The following INTS9 variants were observed in gnomAD, a reference collection of about 807,000 sequenced individuals.
The protein encoded by INTS9 is protein related to CPSF subunits of 74 kDa.
In INTS9, 55 loss-of-function variants were observed where a neutral mutation model predicts 79.7. That is an observed-to-expected ratio of 0.69 (90% CI 0.56 to 0.86). The LOEUF (loss-of-function observed/expected upper bound fraction) is 0.86. INTS9 is among the 40% of genes least tolerant of loss of function. The pLI, the probability that INTS9 is intolerant of heterozygous loss-of-function variation, is 0.00. For synonymous variants in INTS9, 319 were observed against 325.2 expected (o/e 0.98, Z 0.20); for missense variants, 721 against 831.5 (o/e 0.87, Z 1.64).
intron 14 of INTS9, among the ~76,000 whole-genome samples, chr8:28,772,109 G>A (rs1435982622): frequency 6.6e-6 from 1 of 152,188 alleles, no homozygotes; most frequent in African/African-American, 2.4e-5. Flanking sequence ...TGATCCTCCT[G>A]CCTTGGCCTC....
chr8:28,770,139 G>T, intron 15 of INTS9, 113 bp from the exon 16 acceptor site: 2 of 1,360,782 alleles, frequency 1.5e-6, no homozygotes, highest in Non-Finnish European at 2.0e-6. Flanking sequence ...CAGAGCCCCG[G>T]CCCGGTTTCC....
intron 14 of INTS9, 88 bp downstream of exon 14, chr8:28,775,671 A>C (rs371680497): frequency 5.8e-6 from 8 of 1,390,774 alleles, no homozygotes; most frequent in Middle Eastern, 1.8e-4. Context: ...TATACTTGAC[A>C]TAAATCCAAA....
chr8:28,878,726 C>T lies in INTS9; in HGVS notation c.9+11148G>A, dbSNP rs191902088. Among the ~76,000 whole-genome samples the T allele has an allele frequency of 6.4e-4, 97 of 151,614 alleles. 1 individual carries two copies. The East Asian group carries it at 0.014, about 21-fold the overall frequency. On this transcript the variant is annotated intron_variant, in intron 1 of 16. Coordinates refer to ENST00000521022, the MANE Select transcript of INTS9 (RefSeq NM_018250.4). ...GGCGCGGTGGCTCACGCCTATAATC[C>T]CAGCACTTTGGGAGGCCCCAAGGCG...
At chr8:28,804,687 C>T (rs994216692) in intron 8 of INTS9, among the ~76,000 whole-genome samples, 2 of 152,168 alleles carry the variant, frequency 1.3e-5, no homozygotes, top group African/African-American at 4.8e-5. Context: ...CCAAGGAAGG[C>T]AGCATCTACT....
intron 2 of INTS9, among the ~76,000 whole-genome samples, chr8:28,852,216 C>G (rs185022946): frequency 6.6e-6 from 1 of 151,460 alleles, no homozygotes. Context: ...AAACAAGACC[C>G]TGTCTCAAAA....
chr8:28,776,351 C>T, intron 13 of INTS9: 1 of 156,532 alleles, frequency 6.4e-6, no homozygotes, highest in African/African-American at 2.4e-5. Flanking sequence ...GCTGGATCTG[C>T]AGGTCAGCTG....
chr8:28,773,190 G>A (rs529309342), intron 14 of INTS9, among the ~76,000 whole-genome samples: 180 of 152,144 alleles, frequency 1.2e-3, no homozygotes, highest in Non-Finnish European at 2.1e-3. Flanking sequence ...GGGGCCAGGC[G>A]CAGTGGCTCA....
At chr8:28,868,094 C>T (rs974703968) in intron 1 of INTS9, among the ~76,000 whole-genome samples, 1 of 152,162 alleles carries the variant, frequency 6.6e-6, no homozygotes, top group African/African-American at 2.4e-5. Flanking sequence ...GACCTAAAGA[C>T]ATATTACTTT....
intron 1 of INTS9, among the ~76,000 whole-genome samples, chr8:28,863,929 G>A (rs1295807651): frequency 6.6e-6 from 1 of 152,152 alleles, no homozygotes; most frequent in African/African-American, 2.4e-5. Context: ...CATAGAATAA[G>A]TGGAAAATGG....
In INTS9 at chr8:28,839,741, T is replaced by G. The variant is rs578205856; in HGVS notation, c.262-1965A>C. ...GCTGGGAAAACTGGCTAGCCATATG[T>G]AGAAAGCTGAAACTGGATCCCTTCT... On this transcript the variant is annotated intron_variant, in intron 4 of 16. Coordinates refer to ENST00000521022, the MANE Select transcript of INTS9 (RefSeq NM_018250.4). 4.8e-3 allele frequency among the ~76,000 whole-genome samples: 724 copies of G among 152,240 alleles called. 4 individuals carry two copies. The highest frequency in any genetic ancestry group is 0.014 in the African/African-American group (576 of 41,526).
At chr8:28,866,930 G>T (rs184830497) in intron 1 of INTS9, among the ~76,000 whole-genome samples, 4 of 151,244 alleles carry the variant, frequency 2.6e-5, no homozygotes, top group Non-Finnish European at 5.9e-5. Flanking sequence ...AGCCAAGATC[G>T]CACCACTGCA....
chr8:28,820,071 AATACAGCACACTG>A (rs1319143189), intron 6 of INTS9, among the ~76,000 whole-genome samples: 2 of 152,302 alleles, frequency 1.3e-5, no homozygotes, highest in African/African-American at 4.8e-5. Context: ...GGGTTTCCTG[AATACAGCACACTG>A]ATGGGTCTTG....
At chr8:28,799,125 T>C (rs921632395) in intron 8 of INTS9, among the ~76,000 whole-genome samples, 1 of 152,044 alleles carries the variant, frequency 6.6e-6, no homozygotes, top group Non-Finnish European at 1.5e-5. Flanking sequence ...CGAAACCCAG[T>C]CTCTACTAAA....
chr8:28,830,789 C>A (rs1473241633), intron 6 of INTS9, among the ~76,000 whole-genome samples: 1 of 152,126 alleles, frequency 6.6e-6, no homozygotes, highest in Non-Finnish European at 1.5e-5. Flanking sequence ...CTACCAATAA[C>A]TATGGCTCAT....
intron 1 of INTS9, among the ~76,000 whole-genome samples, chr8:28,861,774 G>C (rs1808474058): frequency 6.6e-6 from 1 of 152,256 alleles, no homozygotes; most frequent in South Asian, 2.1e-4. Flanking sequence ...AAGTTCGCTG[G>C]AAGACTTTAC....
intron 8 of INTS9, among the ~76,000 whole-genome samples, chr8:28,801,069 T>C (rs1246934748): frequency 2.6e-5 from 4 of 152,220 alleles, no homozygotes; most frequent in Non-Finnish European, 5.9e-5. Context: ...GTTTAACTTT[T>C]ACTGTAGAGC....
In INTS9 at chr8:28,828,229, A is replaced by C. The variant is rs1043522801; in HGVS notation, c.488+7063T>G. ...ACAACTAACTACAGGTAACAGTGGAATTTGAAAACAGTTTTCCTTCTGTCC... is the reference window on the plus strand; with the variant it reads ...ACAACTAACTACAGGTAACAGTGGACTTTGAAAACAGTTTTCCTTCTGTCC... On this transcript the variant is annotated intron_variant, in intron 6 of 16. Transcript: ENST00000521022. Among the ~76,000 whole-genome samples the C allele has an allele frequency of 7.9e-5, 12 of 152,368 alleles. No individual in the cohort carries two copies. The South Asian group carries it at 2.5e-3, about 32-fold the overall frequency.
At chr8:28,771,458 A>G (rs2130845022) in intron 14 of INTS9, among the ~76,000 whole-genome samples, 1 of 152,304 alleles carries the variant, frequency 6.6e-6, no homozygotes, top group Middle Eastern at 3.4e-3. Context: ...CCTGCCGTGC[A>G]GCCTGACCTT....
intron 1 of INTS9, among the ~76,000 whole-genome samples, chr8:28,878,146 C>G (rs1404840342): frequency 6.6e-6 from 1 of 151,862 alleles, no homozygotes; most frequent in Non-Finnish European, 1.5e-5. Flanking sequence ...ATATGCCAAA[C>G]CAATGTGGAT....
Sources: gnomAD v4.1 joint callset for allele counts (sites outside exome capture counted in the v4.1 genomes callset) on GRCh38, gnomAD v4.1.1 for gene constraint, MANE v1.5 for transcripts, NCBI Gene and HGNC (gene_info 2026-07-23, HGNC 2026-07-21) for gene names.